The following TNNI3K variants were observed in gnomAD, a reference collection of about 807,000 sequenced individuals.
TNNI3K encodes the protein TNNI3 interacting kinase.
Under a neutral mutation model 114.5 loss-of-function variants are expected in TNNI3K, and 140 were observed. The ratio of observed to expected loss-of-function variants is 1.22; its 90% CI spans 1.07 to 1.41. TNNI3K has a LOEUF of 1.41. Among genes scored for constraint, TNNI3K ranks in the 40% most tolerant of loss-of-function variants. The pLI is 0.00. For synonymous variants in TNNI3K, 347 were observed against 347.5 expected (o/e 1.00, Z 0.02); for missense variants, 1,125 against 1,007.6 (o/e 1.12, Z -1.58).
At chr1:74,397,671 C>T (rs960259700) in intron 17 of TNNI3K, among the ~76,000 whole-genome samples, 1 of 152,194 alleles carries the variant, frequency 6.6e-6, no homozygotes, top group African/African-American at 2.4e-5. Flanking sequence ...GTCAAACTCA[C>T]CTTAGAGCAA....
At chr1:74,480,431 A>T (rs905200054) in intron 21 of TNNI3K, 2 of 717,576 alleles carry the variant, frequency 2.8e-6, no homozygotes, top group African/African-American at 1.7e-5. Context: ...ATCTAAGCTC[A>T]GAAGGATTAA....
chr1:74,397,947 C>T (rs888588651), intron 17 of TNNI3K, among the ~76,000 whole-genome samples: 1 of 152,236 alleles, frequency 6.6e-6, no homozygotes, highest in Non-Finnish European at 1.5e-5. Flanking sequence ...GAGTGCTACA[C>T]ACCTTTGGAA....
intron 5 of TNNI3K, among the ~76,000 whole-genome samples, chr1:74,309,106 C>T (rs549703678): frequency 2.0e-5 from 3 of 152,102 alleles, no homozygotes; most frequent in Admixed American, 6.5e-5. Context: ...CGGTGGCTCA[C>T]GCCTGTAATC....
At position 74,523,934 on chromosome 1, in the gene TNNI3K, C is replaced by T. The variant is rs1222638031; in HGVS notation, c.2352-16300C>T. 4.6e-5 allele frequency among the ~76,000 whole-genome samples: 7 copies of T among 152,110 alleles called. No individual in the cohort carries two copies. The East Asian group carries it at 7.7e-4, about 17-fold the overall frequency. ...TGCTATCCCTCCCCTTTCCCCCCAC[C>T]CCCGACAGGCCCCAGTGTGTGATAT... is the stretch of plus-strand genomic sequence containing the variant. On this transcript the variant is annotated intron_variant, in intron 23 of 24. Transcript: ENST00000326637.
At chr1:74,396,690 C>A (rs966504937) in intron 17 of TNNI3K, among the ~76,000 whole-genome samples, 2 of 152,134 alleles carry the variant, frequency 1.3e-5, no homozygotes, top group Non-Finnish European at 2.9e-5. Flanking sequence ...GAAATGGGTT[C>A]AAATACAAGT....
intron 4 of TNNI3K, among the ~76,000 whole-genome samples, chr1:74,258,828 A>G (rs1430565706): frequency 6.6e-6 from 1 of 152,188 alleles, no homozygotes; most frequent in Non-Finnish European, 1.5e-5. Flanking sequence ...ATATAGTAAC[A>G]TACGTTTAAA....
intron 2 of TNNI3K, among the ~76,000 whole-genome samples, chr1:74,244,040 T>C (rs186426323): frequency 4.2e-4 from 64 of 152,276 alleles, no homozygotes; most frequent in African/African-American, 1.5e-3. Flanking sequence ...CTAGGAATGA[T>C]TGCTTAAATA....
At chr1:74,255,353 CAAAAA>C (rs10716634) in intron 4 of TNNI3K, among the ~76,000 whole-genome samples, 1 of 101,074 alleles carries the variant, frequency 9.9e-6, no homozygotes, top group Admixed American at 9.9e-5. Flanking sequence ...GACTCCGTCT[CAAAAA>C]AAAAAAAAAA....
chr1:74,424,654 G>A (rs770062988), intron 17 of TNNI3K, among the ~76,000 whole-genome samples: 14 of 150,578 alleles, frequency 9.3e-5, no homozygotes, highest in Non-Finnish European at 1.9e-4. Flanking sequence ...AGGAGGCGGA[G>A]GCTGCAATGA....
At chr1:74,274,961 C>G (rs531003626) in intron 5 of TNNI3K, among the ~76,000 whole-genome samples, 2 of 152,122 alleles carry the variant, frequency 1.3e-5, no homozygotes, top group African/African-American at 2.4e-5. Context: ...TATGGGTACT[C>G]AAAGTATAGT....
At chr1:74,309,300 C>T (rs573271676) in intron 5 of TNNI3K, among the ~76,000 whole-genome samples, 24 of 125,150 alleles carry the variant, frequency 1.9e-4, no homozygotes, top group African/African-American at 5.1e-4. Context: ...CCCCAGGGGG[C>T]GGAGCCTGCA....
At chr1:74,495,455 A>G (rs1392457236) in intron 23 of TNNI3K, among the ~76,000 whole-genome samples, 1 of 152,168 alleles carries the variant, frequency 6.6e-6, no homozygotes, top group Non-Finnish European at 1.5e-5. Context: ...AAAAAATTGG[A>G]TAAATTGGCT....
At chr1:74,301,010 G>A (rs1026486169) in intron 5 of TNNI3K, among the ~76,000 whole-genome samples, 1 of 152,166 alleles carries the variant, frequency 6.6e-6, no homozygotes, top group Non-Finnish European at 1.5e-5. Flanking sequence ...AATAAAGTGT[G>A]AATGTGCATT....
Position 74,305,871 on chromosome 1 carries a change from C to A in TNNI3K, c.445-25579C>A, listed in dbSNP as rs888936942. Among the ~76,000 whole-genome samples the A allele has an allele frequency of 3.3e-5, 5 of 151,662 alleles. No homozygotes were observed. The East Asian group carries it at 5.8e-4, about 18-fold the overall frequency. On this transcript the variant is annotated intron_variant, in intron 5 of 24. Coordinates refer to ENST00000326637, the MANE Select transcript of TNNI3K (RefSeq NM_015978.3). Reference sequence around the variant, plus strand: ...AATATGGAACCAAAGCTTATTCTTTCTTCTTACTATTTTTAAAATTTTAGT... The same window carrying A: ...AATATGGAACCAAAGCTTATTCTTTATTCTTACTATTTTTAAAATTTTAGT...
chr1:74,425,458 A>G (rs773267071), intron 17 of TNNI3K, among the ~76,000 whole-genome samples: 4 of 152,150 alleles, frequency 2.6e-5, no homozygotes, highest in Non-Finnish European at 5.9e-5. Flanking sequence ...TGAAATAACA[A>G]TTTGGTCTGA....
rs528831773 is a variant in TNNI3K, at chr1:74,261,138, G to T, written c.333+10369G>T. ...TATATGTTGTGTATTTTCTTCACAGGACTCTTTTAAAGATACCTGCCAATT... is the reference window on the plus strand; with the variant it reads ...TATATGTTGTGTATTTTCTTCACAGTACTCTTTTAAAGATACCTGCCAATT... On this transcript the variant is annotated intron_variant, in intron 4 of 24. Transcript: ENST00000326637. 5.5e-4 allele frequency among the ~76,000 whole-genome samples: 83 copies of T among 151,898 alleles called. 2 individuals are homozygous for T. In the South Asian group the frequency reaches 7.5e-3, roughly 14 times the overall value.
intron 23 of TNNI3K, chr1:74,512,702 C>T (rs964646449): frequency 6.6e-6 from 1 of 152,234 alleles, no homozygotes; most frequent in East Asian, 1.9e-4. Context: ...TGGAATAACG[C>T]CTGGCACATG....
chr1:74,413,466 G>C (rs906735849), intron 17 of TNNI3K, among the ~76,000 whole-genome samples: 1 of 152,052 alleles, frequency 6.6e-6, no homozygotes, highest in African/African-American at 2.4e-5. Flanking sequence ...GTGTTGTTAC[G>C]GTAGAGCCAC....
chr1:74,398,807 T>C (rs1229904688), intron 17 of TNNI3K, among the ~76,000 whole-genome samples: 2 of 152,096 alleles, frequency 1.3e-5, no homozygotes, highest in African/African-American at 2.4e-5. Context: ...ATCTCCCCTC[T>C]TCTGGAAAGG....
Sources: gnomAD v4.1 joint callset for allele counts (sites outside exome capture counted in the v4.1 genomes callset) on GRCh38, gnomAD v4.1.1 for gene constraint, MANE v1.5 for transcripts, NCBI Gene and HGNC (gene_info 2026-07-23, HGNC 2026-07-21) for gene names.